The following PTBP3 variants were observed in gnomAD, a reference collection of about 807,000 sequenced individuals.
PTBP3 encodes polypyrimidine tract binding protein 3.
PTBP3 carries 20 observed loss-of-function variants against 58.7 expected under a neutral mutation model. The observed-to-expected ratio is 0.34, with a 90% CI of 0.24 to 0.50. PTBP3 has a LOEUF of 0.50. PTBP3 is among the 20% of genes least tolerant of loss of function. The pLI, the probability that PTBP3 is intolerant of heterozygous loss-of-function variation, is 0.98. For synonymous variants in PTBP3, 185 were observed against 219.8 expected, an observed-to-expected ratio of 0.84 and a Z score of 1.40; for missense variants, 509 against 637.2, an observed-to-expected ratio of 0.80 and a Z score of 2.17.
the PTBP3 span, among the ~76,000 whole-genome samples, chr9:112,352,555 G>A: frequency 5.3e-5 from 8 of 152,252 alleles, no homozygotes; most frequent in Non-Finnish European, 1.0e-4. Flanking sequence ...CTTCCTTAAC[G>A]TCTGAAAATG....
At chr9:112,247,458 C>T (rs1835932264) in intron 7 of PTBP3, among the ~76,000 whole-genome samples, 1 of 150,678 alleles carries the variant, frequency 6.6e-6, no homozygotes, top group Non-Finnish European at 1.5e-5. Context: ...ACAACTGGCA[C>T]TTTGGGAGGC....
At chr9:112,226,099 C>A (rs1480324749) in intron 12 of PTBP3, among the ~76,000 whole-genome samples, 1 of 151,572 alleles carries the variant, frequency 6.6e-6, no homozygotes, top group Non-Finnish European at 1.5e-5. Context: ...AGGTGCCTGC[C>A]TCAGTATCTA....
intron 2 of PTBP3, among the ~76,000 whole-genome samples, chr9:112,277,291 A>T (rs930886493): frequency 1.3e-5 from 2 of 152,216 alleles, no homozygotes; most frequent in Non-Finnish European, 2.9e-5. Flanking sequence ...GCAAATGCCT[A>T]TGTCAGATTA....
At chr9:112,218,057 T>C (rs1342901031), downstream of PTBP3, 1 of 152,120 alleles carries the variant, frequency 6.6e-6, no homozygotes, top group Non-Finnish European at 1.5e-5. Context: ...TGAACAAAAC[T>C]GGAAATAGTG....
At chr9:112,231,984 GAGAAGAGAAGAGA>G (rs1564391554) in intron 9 of PTBP3, 102 bp downstream of exon 9, 10 of 461,812 alleles carry the variant, frequency 2.2e-5, no homozygotes, top group African/African-American at 7.2e-5. Context: ...GAGAAGAGAA[GAGAAGAGAAGAGA>G]AGAGAAGAGA....
At chr9:112,234,210 G>GT (rs2131993924) in intron 8 of PTBP3, among the ~76,000 whole-genome samples, 1 of 152,070 alleles carries the variant, frequency 6.6e-6, no homozygotes, top group East Asian at 1.9e-4. Context: ...TTTGTTTACT[G>GT]TTTTGAAAAT....
At position 112,222,135 on chromosome 9, in the gene PTBP3, A is replaced by G. The variant is rs1834829434; in HGVS notation, c.*1716T>C. ...CTTTATTCTTTTAAAAGTTGAGATGAGACACTTTGAGAATCTGAAAAGTGT... is the reference window on the plus strand; with the variant it reads ...CTTTATTCTTTTAAAAGTTGAGATGGGACACTTTGAGAATCTGAAAAGTGT... On this transcript the variant is annotated 3_prime_UTR_variant, in exon 14 of 14. Transcript: ENST00000374257. 1.0e-6 allele frequency: 1 copy of G among 985,698 alleles called. No homozygotes were observed. The highest frequency in any genetic ancestry group is 6.1e-5 in the Admixed American group (1 of 16,270). The allele number at this position is 985,698 out of a possible 1,614,324, so 61.1% of individuals were successfully genotyped here.
intron 4 of PTBP3, among the ~76,000 whole-genome samples, chr9:112,263,105 G>A: frequency 6.6e-6 from 1 of 152,126 alleles, no homozygotes; most frequent in East Asian, 1.9e-4. Context: ...GCGTTGATCA[G>A]AATGCAAGGA....
Position 112,333,571 on chromosome 9 carries a change from C to A in PTBP3, c.-153G>T, listed in dbSNP as rs1243160181. 6.8e-7 allele frequency: 1 copy of A among 1,461,204 alleles called. No individual in the cohort carries two copies. Among genetic ancestry groups the A allele is most frequent in the Non-Finnish European group, 9.4e-7 (1 of 1,063,970 alleles). 90.5% of individuals were successfully genotyped at this position (1,461,204 alleles called of 1,614,324 possible). ...GCAGCAGGGCGGTTCCGGGGACAAG[C>A]GAGCTTTGGCTCTGCGGAGCCCCGG... On this transcript the variant is annotated 5_prime_UTR_variant, in exon 1 of 14. Transcript: ENST00000374257.
the PTBP3 span, among the ~76,000 whole-genome samples, chr9:112,361,993 A>G: frequency 6.6e-6 from 1 of 152,198 alleles, no homozygotes; most frequent in Admixed American, 6.5e-5. Flanking sequence ...AAGTAATGCT[A>G]TTGAGCATCT....
rs60292377 is a variant in PTBP3 at position 112,320,315 on chromosome 9, T to TATATATA, written c.-52+13154_-52+13155insTATATAT. On this transcript the variant is annotated intron_variant, in intron 1 of 13. Transcript: ENST00000374257. ...AAATATATATATATATATATATATA[T>TATATATA]TTTTTTTTAAGTGTTATCACCAGAA... Among the ~76,000 whole-genome samples, 3 of 27,078 alleles carry TATATATA rather than the reference T, an allele frequency of 1.1e-4. No homozygotes were observed. In the East Asian group the frequency reaches 2.0e-3, roughly 18 times the overall value. The allele number at this position is 27,078 out of a possible 152,430, so 17.8% of individuals were successfully genotyped here. A position where few individuals can be genotyped will look rare whatever the true frequency, so the allele number is the denominator to read the frequency against.
At chr9:112,371,187 C>T in the PTBP3 span, among the ~76,000 whole-genome samples, 1 of 152,182 alleles carries the variant, frequency 6.6e-6, no homozygotes, top group Admixed American at 6.5e-5. Context: ...ACATCTTTGT[C>T]TTACTCACCT....
rs781399708 is a variant in PTBP3 at position 112,221,272 on chromosome 9, C to A, written c.*2579G>T. 88 of 985,014 alleles carry A rather than the reference C, an allele frequency of 8.9e-5. No homozygotes were observed. Among genetic ancestry groups the A allele is most frequent in the Non-Finnish European group, 1.0e-4 (83 of 829,390 alleles). The allele number at this position is 985,014 out of a possible 1,614,324, so 61.0% of individuals were successfully genotyped here. A position where few individuals can be genotyped will look rare whatever the true frequency, so the allele number is the denominator to read the frequency against. The stretch of plus-strand genomic sequence containing the variant: ...TTATGTATATACACTTATCTACACA[C>A]ACACACATTCACACACACACACAAA... On this transcript the variant is annotated 3_prime_UTR_variant, in exon 14 of 14. Coordinates refer to ENST00000374257, the MANE Select transcript of PTBP3 (RefSeq NM_001163788.4).
the PTBP3 span, among the ~76,000 whole-genome samples, chr9:112,364,340 C>A: frequency 6.6e-6 from 1 of 151,886 alleles, no homozygotes; most frequent in Non-Finnish European, 1.5e-5. Flanking sequence ...AGCATACTAA[C>A]CTTTTATAAG....
In PTBP3 at chr9:112,262,436, T is replaced by C. The variant is rs1188725294; in HGVS notation, c.515A>G (p.Gln172Arg). The C allele has an allele frequency of 6.3e-7, 1 of 1,592,392 alleles. No individual in the cohort carries two copies. The highest frequency in any genetic ancestry group is 8.5e-7 in the Non-Finnish European group (1 of 1,172,182). ...FYPVTLEVLHQIFSKFGTVLK... is the reference protein window; with the variant it reads ...FYPVTLEVLHRIFSKFGTVLK... ...TTAAGGGTATTTATTCCTCCTTACC[T>C]GATGAAGAACTTCCAGGGTAACAGG... The change falls in exon 5 of 14, where the codon CAG becomes CGG. Residue 172 changes from glutamine (Q) to arginine (R), a missense_variant and splice_region_variant. By Grantham distance (43) the Gln-to-Arg change is conservative. This residue lies in a region of PTBP3 where 212 missense variants were observed against 215.3 expected (regional missense o/e 0.98). Coordinates refer to ENST00000374257, the MANE Select transcript of PTBP3 (RefSeq NM_001163788.4).
At position 112,229,840 on chromosome 9, in the gene PTBP3, G is replaced by A. The variant is rs112897938; in HGVS notation, c.1055-1368C>T. Among the ~76,000 whole-genome samples, 151 of 152,248 alleles carry A rather than the reference G, an allele frequency of 9.9e-4. 1 individual carries two copies. The highest frequency in any genetic ancestry group is 3.6e-3 in the African/African-American group (149 of 41,536). On this transcript the variant is annotated intron_variant, in intron 10 of 13. Coordinates refer to ENST00000374257, the MANE Select transcript of PTBP3 (RefSeq NM_001163788.4). ...GCCTCCCAAAGTGTTGGGATTACAG[G>A]CATGAGCTGCTGCACCCAGCCATTT...
intron 5 of PTBP3, among the ~76,000 whole-genome samples, chr9:112,260,779 C>T (rs1430457529): frequency 6.6e-6 from 1 of 152,106 alleles, no homozygotes; most frequent in Non-Finnish European, 1.5e-5. Flanking sequence ...ATTTCAATAG[C>T]ACTGGAAAAG....
At chr9:112,277,333 G>T (rs1019457021) in intron 2 of PTBP3, among the ~76,000 whole-genome samples, 1 of 152,106 alleles carries the variant, frequency 6.6e-6, no homozygotes, top group African/African-American at 2.4e-5. Flanking sequence ...ATGTTTATCG[G>T]ATTAATTAAT....
chr9:112,289,296 C>T lies in PTBP3; in HGVS notation c.34+8536G>A, dbSNP rs558786885. Reference sequence around the variant, plus strand: ...ACTGACTACTTCAGAATTTGTTGAACGTGATGAAAATAAATTTCTGTCTTC... The same window carrying T: ...ACTGACTACTTCAGAATTTGTTGAATGTGATGAAAATAAATTTCTGTCTTC... On this transcript the variant is annotated intron_variant, in intron 2 of 13. Coordinates refer to ENST00000374257, the MANE Select transcript of PTBP3 (RefSeq NM_001163788.4). Among the ~76,000 whole-genome samples, 14 of 152,088 alleles carry T rather than the reference C, an allele frequency of 9.2e-5. No homozygotes were observed. In the South Asian group the frequency reaches 2.7e-3, roughly 29 times the overall value.
Sources: gnomAD v4.1 joint callset for allele counts (sites outside exome capture counted in the v4.1 genomes callset) on GRCh38, gnomAD v4.1.1 for gene constraint, gnomAD v4.1.1 regional missense constraint, MANE v1.5 for transcripts, NCBI Gene and HGNC (gene_info 2026-07-23, HGNC 2026-07-21) for gene names.